The following ADGRV1 variants were observed in gnomAD, a reference collection of about 807,000 sequenced individuals.
The protein encoded by ADGRV1 is G-protein coupled receptor 98.
Under a neutral mutation model 596.2 loss-of-function variants are expected in ADGRV1, and 359 were observed. That is an observed-to-expected ratio of 0.60 (90% CI 0.55 to 0.66). The LOEUF is 0.66. Among genes scored for constraint, ADGRV1 ranks in the 30% least tolerant of loss-of-function variants. The probability of loss-of-function intolerance (pLI) is 0.00; values close to 1 mark genes in which losing one functional copy is unlikely to be tolerated. For missense variants in ADGRV1, 7,274 were observed against 7,575.6 expected (o/e 0.96, Z 1.48); for synonymous variants, 2,681 against 2,679.2 (o/e 1.00, Z -0.02).
chr5:91,036,133 TC>T (rs1301911294), intron 85 of ADGRV1, among the ~76,000 whole-genome samples: 1 of 151,988 alleles, frequency 6.6e-6, no homozygotes, highest in Non-Finnish European at 1.5e-5. Context: ...AAGGCATGTA[TC>T]CTTAAACAGC....
At chr5:90,594,200 T>C (rs891136359) in intron 1 of ADGRV1, among the ~76,000 whole-genome samples, 1 of 152,204 alleles carries the variant, frequency 6.6e-6, no homozygotes, top group South Asian at 2.1e-4. Context: ...CATCTTGACC[T>C]GTAGATCTCG....
chr5:91,054,330 TA>T (rs1255958441), intron 85 of ADGRV1, among the ~76,000 whole-genome samples: 1 of 152,180 alleles, frequency 6.6e-6, no homozygotes, highest in Non-Finnish European at 1.5e-5. Flanking sequence ...GCACATCAGT[TA>T]ATCTTTTGTG....
intron 34 of ADGRV1, among the ~76,000 whole-genome samples, chr5:90,697,433 A>G (rs1747337264): frequency 6.6e-6 from 1 of 150,708 alleles, no homozygotes; most frequent in Non-Finnish European, 1.5e-5. Flanking sequence ...AATGATTCAA[A>G]ATATTACTTC....
chr5:90,972,287 G>T (rs533251525), intron 84 of ADGRV1, among the ~76,000 whole-genome samples: 173 of 152,236 alleles, frequency 1.1e-3, no homozygotes, highest in Admixed American at 2.0e-3. Context: ...ACATTAGACA[G>T]ATCAATGAGA....
At chr5:90,826,574 G>T (rs1398853388) in intron 76 of ADGRV1, among the ~76,000 whole-genome samples, 2 of 152,050 alleles carry the variant, frequency 1.3e-5, no homozygotes, top group African/African-American at 2.4e-5. Context: ...GAAGTTCTTA[G>T]CACAGCTCTC....
At chr5:91,025,790 G>C (rs1412873216) in intron 85 of ADGRV1, among the ~76,000 whole-genome samples, 1 of 152,126 alleles carries the variant, frequency 6.6e-6, no homozygotes, top group Non-Finnish European at 1.5e-5. Context: ...GTGAAACAAA[G>C]CTGTTTTACT....
chr5:90,693,267 A>G (rs1013650923), intron 32 of ADGRV1, among the ~76,000 whole-genome samples: 1 of 151,702 alleles, frequency 6.6e-6, no homozygotes, highest in Non-Finnish European at 1.5e-5. Context: ...CCTTGGATAT[A>G]ACAAAATCCT....
chr5:90,755,454 A>G (rs1263438927), intron 55 of ADGRV1, among the ~76,000 whole-genome samples: 1 of 152,166 alleles, frequency 6.6e-6, no homozygotes, highest in African/African-American at 2.4e-5. Flanking sequence ...ATTTAGATTA[A>G]TTATATCTGA....
In ADGRV1 at chr5:90,774,240, G is replaced by A; in HGVS notation, c.12340G>A (p.Glu4114Lys). The A allele has an allele frequency of 6.2e-7, 1 of 1,611,754 alleles. No homozygotes were observed. ...LHTLQDTVLEEDRRFTIQLIS... is the reference protein window; with the variant it reads ...LHTLQDTVLEKDRRFTIQLIS... ...CACACTTCAAGACACAGTGTTGGAG[G>A]AGGACAGGCGTTTCACCATTCAGCT... The change falls in exon 60 of 90, where the codon GAG (glutamate) becomes AAG (lysine). Residue 4114 changes from glutamate (E) to lysine (K), a missense_variant. By Grantham distance (56) the Glu-to-Lys change is moderately conservative (BLOSUM62 1). This residue lies in a region of ADGRV1 where 3,643 missense variants were observed against 3,809.2 expected (regional missense o/e 0.96). Coordinates refer to ENST00000405460, the MANE Select transcript of ADGRV1 (RefSeq NM_032119.4).
chr5:91,132,985 G>A (rs2126805120), intron 87 of ADGRV1, among the ~76,000 whole-genome samples: 1 of 152,290 alleles, frequency 6.6e-6, no homozygotes, highest in East Asian at 1.9e-4. Flanking sequence ...TCATTAAAGT[G>A]TTATAGGTAG....
chr5:90,973,152 G>A (rs1185692950), intron 84 of ADGRV1, among the ~76,000 whole-genome samples: 1 of 152,116 alleles, frequency 6.6e-6, no homozygotes, highest in Non-Finnish European at 1.5e-5. Flanking sequence ...ACTAAACTAG[G>A]AAGAAGTTGA....
chr5:90,612,325 TATG>T (rs1362222309), intron 1 of ADGRV1, among the ~76,000 whole-genome samples: 1 of 152,072 alleles, frequency 6.6e-6, no homozygotes, highest in Admixed American at 6.6e-5. Context: ...TATGCAATCT[TATG>T]AGAGTTTTGG....
At chr5:91,071,974 G>A (rs749617331) in intron 85 of ADGRV1, among the ~76,000 whole-genome samples, 6 of 152,118 alleles carry the variant, frequency 3.9e-5, no homozygotes, top group East Asian at 1.9e-4. Context: ...ACTGCACCCC[G>A]CCTATAATCC....
intron 87 of ADGRV1, among the ~76,000 whole-genome samples, chr5:91,114,456 A>T (rs1401390187): frequency 6.6e-6 from 1 of 150,878 alleles, no homozygotes; most frequent in Non-Finnish European, 1.5e-5. Context: ...GAACCCAGGA[A>T]GCGGAGGTTG....
At chr5:91,082,383 G>C (rs192670191) in intron 86 of ADGRV1, among the ~76,000 whole-genome samples, 1 of 151,962 alleles carries the variant, frequency 6.6e-6, no homozygotes, top group South Asian at 2.1e-4. Context: ...ATGGAGTGCC[G>C]TGGCACAATC....
chr5:90,975,566 C>T (rs552329926), intron 84 of ADGRV1, among the ~76,000 whole-genome samples: 17 of 152,124 alleles, frequency 1.1e-4, no homozygotes, highest in African/African-American at 3.6e-4. Flanking sequence ...ATGGATGAAG[C>T]TGGAGGAACC....
intron 15 of ADGRV1, among the ~76,000 whole-genome samples, chr5:90,645,271 A>T (rs542057562): frequency 3.9e-4 from 59 of 152,358 alleles, no homozygotes; most frequent in African/African-American, 1.3e-3. Flanking sequence ...AAAGAGAAAG[A>T]TCTTAATAAC....
intron 87 of ADGRV1, among the ~76,000 whole-genome samples, chr5:91,134,379 G>T (rs1464582170): frequency 6.6e-6 from 1 of 152,070 alleles, no homozygotes; most frequent in Non-Finnish European, 1.5e-5. Flanking sequence ...TGTAAAGACA[G>T]GGTTTCACCA....
chr5:90,985,688 C>A (rs911301795), intron 85 of ADGRV1, among the ~76,000 whole-genome samples, 166 bp downstream of exon 85: 6 of 152,154 alleles, frequency 3.9e-5, no homozygotes, highest in Admixed American at 3.3e-4. Context: ...AAGCTGTGGC[C>A]TCTCAAGTTT....
Sources: gnomAD v4.1 joint callset for allele counts (sites outside exome capture counted in the v4.1 genomes callset) on GRCh38, gnomAD v4.1.1 for gene constraint, gnomAD v4.1.1 regional missense constraint, MANE v1.5 for transcripts, NCBI Gene and HGNC (gene_info 2026-07-23, HGNC 2026-07-21) for gene names.